Variants in NLRC5 observed in about 807,000 individuals in gnomAD.
NLRC5 encodes NLR family CARD domain containing 5.
In NLRC5, 114 loss-of-function variants were observed where a neutral mutation model predicts 206.9. That is an observed-to-expected ratio of 0.55 (90% CI 0.47 to 0.64). The LOEUF (loss-of-function observed/expected upper bound fraction) is 0.64. Ranked by LOEUF, NLRC5 falls within the 30% of genes least tolerant of loss-of-function variation. The pLI, the probability that NLRC5 is intolerant of heterozygous loss-of-function variation, is 0.00. For missense variants in NLRC5, 2,008 were observed against 2,305.5 expected, an observed-to-expected ratio of 0.87 and a Z score of 2.64; for synonymous variants, 952 against 962.8, an observed-to-expected ratio of 0.99 and a Z score of 0.21.
chr16:56,991,928 A>G (rs1005838971), intron 1 of NLRC5: 3 of 152,182 alleles, frequency 2.0e-5, no homozygotes, highest in Non-Finnish European at 4.4e-5. Flanking sequence ...TGTTGCAGAT[A>G]TAACTGGTGA....
intron 39 of NLRC5, among the ~76,000 whole-genome samples, chr16:57,075,000 C>T (rs1268980692): frequency 1.7e-5 from 2 of 115,594 alleles, no homozygotes; most frequent in African/African-American, 6.5e-5. Context: ...TCTGCCTAGA[C>T]TGTGCTTTTT....
chr16:57,009,320 G>T (rs1438372992), intron 1 of NLRC5, among the ~76,000 whole-genome samples: 2 of 145,732 alleles, frequency 1.4e-5, no homozygotes, highest in Admixed American at 6.9e-5. Flanking sequence ...AAAGCTGGGC[G>T]CAGTGGCTCA....
intron 19 of NLRC5, among the ~76,000 whole-genome samples, chr16:57,042,389 C>T (rs1435830329): frequency 6.6e-6 from 1 of 152,162 alleles, no homozygotes; most frequent in South Asian, 2.1e-4. Flanking sequence ...GTTATTCTGG[C>T]CCTGGGGTGC....
intron 37 of NLRC5, 151 bp from the exon 38 acceptor site, chr16:57,070,384 T>A: frequency 1.6e-6 from 1 of 644,842 alleles, no homozygotes. Context: ...GGGATACCCA[T>A]GGGGAACCTG....
chr16:57,067,338 C>A, intron 34 of NLRC5, 49 bp from the exon 35 acceptor site: 1 of 1,474,038 alleles, frequency 6.8e-7, no homozygotes, highest in Non-Finnish European at 9.5e-7. Flanking sequence ...CTGAATCCCA[C>A]ATACTGGACT....
chr16:57,002,705 G>A (rs1376647782), intron 1 of NLRC5, among the ~76,000 whole-genome samples: 5 of 138,436 alleles, frequency 3.6e-5, no homozygotes, highest in African/African-American at 1.4e-4. Flanking sequence ...TGCAGTGCGT[G>A]ATCTCAGTTC....
At chr16:57,048,293 T>C (rs142528909) in intron 23 of NLRC5, 1 of 152,436 alleles carries the variant, frequency 6.6e-6, no homozygotes, top group African/African-American at 2.4e-5. Flanking sequence ...TGTCTACTCC[T>C]TGCCTATTTG....
chr16:56,998,100 A>G (rs1344371870), intron 1 of NLRC5, among the ~76,000 whole-genome samples: 2 of 151,824 alleles, frequency 1.3e-5, no homozygotes, highest in Non-Finnish European at 2.9e-5. Context: ...GGGTTTGGCA[A>G]TGTCTGCCAG....
intron 38 of NLRC5, among the ~76,000 whole-genome samples, chr16:57,073,941 T>C (rs747326573): frequency 2.0e-5 from 3 of 152,228 alleles, no homozygotes; most frequent in Non-Finnish European, 2.9e-5. Flanking sequence ...TCAGCCTCTC[T>C]GTTCTTTGGC....
In NLRC5 at chr16:57,026,913, T is replaced by C. The variant is rs1385094287; in HGVS notation, c.1970T>C (p.Ile657Thr). The C allele has an allele frequency of 1.2e-6, 2 of 1,614,126 alleles. No individual in the cohort carries two copies. The change falls in exon 6 of 49, where the codon ATC becomes ACC. Residue 657 changes from isoleucine to threonine, a missense_variant. Ile to Thr is a moderately conservative substitution (Grantham distance 89, BLOSUM62 -1). Coordinates refer to ENST00000688547, the MANE Select transcript of NLRC5 (RefSeq NM_001384950.1). ...TCTDLATLTN[I>T]LEHREAPIHL... The stretch of plus-strand genomic sequence containing the variant: ...ACCGACCTGGCCACCCTGACCAACA[T>C]CCTAGAGCACAGGGAGGCCCCCATC...
chr16:57,056,656 TTTTC>T (rs2065705316), intron 27 of NLRC5, among the ~76,000 whole-genome samples: 2 of 151,470 alleles, frequency 1.3e-5, no homozygotes, highest in Non-Finnish European at 2.9e-5. Flanking sequence ...GAAATTTTTC[TTTTC>T]TTTCTTTCTT....
chr16:57,058,012 C>A, intron 27 of NLRC5, 53 bp from the exon 28 acceptor site: 1 of 1,448,850 alleles, frequency 6.9e-7, no homozygotes, highest in Non-Finnish European at 9.6e-7. Flanking sequence ...TGAGGAGCAT[C>A]TCAGGCTGAG....
chr16:57,052,671 TC>T (rs2065084235), intron 24 of NLRC5: 1 of 151,982 alleles, frequency 6.6e-6, no homozygotes, highest in Admixed American at 6.6e-5. Flanking sequence ...TCGCATCACC[TC>T]CAGGATCTCG....
chr16:57,080,867 A>G, intron 46 of NLRC5: 1 of 522,646 alleles, frequency 1.9e-6, no homozygotes, highest in Non-Finnish European at 3.4e-6. Flanking sequence ...AAAAATGGCA[A>G]CATCTTGTGA....
At chr16:57,030,498 G>GAAAA (rs2061738592) in intron 10 of NLRC5, among the ~76,000 whole-genome samples, 1 of 150,484 alleles carries the variant, frequency 6.6e-6, no homozygotes, top group Non-Finnish European at 1.5e-5. Flanking sequence ...AAAGATGGAT[G>GAAAA]GATGGATGGA....
At chr16:56,995,880 A>G (rs1353707371) in intron 1 of NLRC5, among the ~76,000 whole-genome samples, 1 of 152,234 alleles carries the variant, frequency 6.6e-6, no homozygotes, top group Admixed American at 6.5e-5. Flanking sequence ...TCCCAGAGAA[A>G]GACCTATCCA....
At chr16:57,041,604 G>A in intron 18 of NLRC5, 30 bp downstream of exon 18, 1 of 1,581,526 alleles carries the variant, frequency 6.3e-7, no homozygotes, top group South Asian at 1.1e-5. Context: ...GAAGGTGGGT[G>A]GGTGGGGCCA....
intron 4 of NLRC5, among the ~76,000 whole-genome samples, chr16:57,023,214 G>A (rs1349880903): frequency 6.6e-6 from 1 of 152,020 alleles, no homozygotes; most frequent in Non-Finnish European, 1.5e-5. Flanking sequence ...TCCTTTCTGG[G>A]TCCCCTTCCT....
chr16:56,994,012 T>C (rs1201214879), intron 1 of NLRC5, among the ~76,000 whole-genome samples: 3 of 151,066 alleles, frequency 2.0e-5, no homozygotes, highest in Admixed American at 2.0e-4. Flanking sequence ...CTTCCAATAG[T>C]TCTCACCATA....
Sources: allele counts gnomAD v4.1 joint callset (sites outside exome capture counted in the v4.1 genomes callset), GRCh38; gene constraint gnomAD v4.1.1; transcripts MANE v1.5; gene names NCBI Gene and HGNC (gene_info 2026-07-23, HGNC 2026-07-21).